NTM: variants seen among roughly 807,000 people sequenced by gnomAD.
NTM encodes neurotrimin, also known as IgLON family member 2.
In NTM, 13 loss-of-function variants were observed where a neutral mutation model predicts 42.1. The ratio of observed to expected loss-of-function variants is 0.31; its 90% CI spans 0.20 to 0.49. The LOEUF (loss-of-function observed/expected upper bound fraction) is 0.49, where lower values mean the gene tolerates loss of function less well. NTM is among the 20% of genes least tolerant of loss of function. The probability of loss-of-function intolerance (pLI) is 0.99; values close to 1 mark genes in which losing one functional copy is unlikely to be tolerated. For missense variants in NTM, 373 were observed against 452.8 expected (o/e 0.82, Z 1.60); for synonymous variants, 187 against 179.2 (o/e 1.04, Z -0.35).
intron 1 of NTM, among the ~76,000 whole-genome samples, chr11:131,410,100 C>A (rs1565473364): frequency 6.6e-6 from 1 of 152,024 alleles, no homozygotes; most frequent in Non-Finnish European, 1.5e-5. Flanking sequence ...GCAAGGCAGG[C>A]CAGGCACGGG....
At chr11:131,443,237 G>A (rs1208293878) in intron 1 of NTM, among the ~76,000 whole-genome samples, 1 of 152,084 alleles carries the variant, frequency 6.6e-6, no homozygotes, top group Non-Finnish European at 1.5e-5. Context: ...GGAAAGAAGG[G>A]AAATGGGTTG....
intron 4 of NTM, among the ~76,000 whole-genome samples, chr11:132,296,237 C>T (rs1239512537): frequency 6.6e-6 from 1 of 151,994 alleles, no homozygotes; most frequent in African/African-American, 2.4e-5. Context: ...TCCAGGACGG[C>T]CATGCAGATG....
rs1271168245 is a variant in NTM, at chr11:131,754,201, G to A, written c.83-157363G>A. 3.3e-5 allele frequency among the ~76,000 whole-genome samples: 5 copies of A among 151,240 alleles called. No individual in the cohort carries two copies. The East Asian group carries it at 7.8e-4, about 24-fold the overall frequency. On this transcript the variant is annotated intron_variant, in intron 1 of 8. Coordinates refer to ENST00000683400, the MANE Select transcript of NTM (RefSeq NM_001352005.2). ...AATGTTAAATGACGAGTTACTGGGT[G>A]CAGCACACCAACATGACACATGTAT...
intron 1 of NTM, among the ~76,000 whole-genome samples, chr11:131,519,211 C>A (rs958137957): frequency 1.3e-5 from 2 of 152,214 alleles, no homozygotes; most frequent in African/African-American, 4.8e-5. Flanking sequence ...TATTCCCTTC[C>A]ACTGCCCTCT....
intron 1 of NTM, among the ~76,000 whole-genome samples, chr11:131,460,358 T>C (rs1260880546): frequency 6.6e-6 from 1 of 152,180 alleles, no homozygotes; most frequent in Non-Finnish European, 1.5e-5. Flanking sequence ...AATGAAGTAA[T>C]AGGATTACAG....
intron 2 of NTM, among the ~76,000 whole-genome samples, chr11:132,137,323 G>A (rs140291687): frequency 3.9e-5 from 6 of 152,164 alleles, no homozygotes; most frequent in African/African-American, 1.2e-4. Context: ...TTTCTTCTTC[G>A]CAGCTCCTTC....
At chr11:131,848,980 A>G (rs1469913159) in intron 1 of NTM, among the ~76,000 whole-genome samples, 1 of 152,204 alleles carries the variant, frequency 6.6e-6, no homozygotes, top group African/African-American at 2.4e-5. Flanking sequence ...TACAAAAACA[A>G]TTTTGCTGCT....
chr11:131,716,720 T>C (rs1467138116), intron 1 of NTM, among the ~76,000 whole-genome samples: 2 of 152,212 alleles, frequency 1.3e-5, no homozygotes, highest in Non-Finnish European at 1.5e-5. Context: ...TGCTGTATCA[T>C]CTTTATCAAA....
chr11:132,195,819 T>C (rs1402708535), intron 3 of NTM, among the ~76,000 whole-genome samples: 2 of 152,150 alleles, frequency 1.3e-5, no homozygotes, highest in Non-Finnish European at 2.9e-5. Context: ...ATGGATTATA[T>C]GCTTAAATGT....
At chr11:131,575,813 C>A (rs1464053688) in intron 1 of NTM, among the ~76,000 whole-genome samples, 1 of 152,180 alleles carries the variant, frequency 6.6e-6, no homozygotes, top group African/African-American at 2.4e-5. Flanking sequence ...CTCTAACGAA[C>A]TAACATACTC....
At chr11:131,692,088 G>T (rs1027979451) in intron 1 of NTM, among the ~76,000 whole-genome samples, 1 of 152,152 alleles carries the variant, frequency 6.6e-6, no homozygotes, top group Non-Finnish European at 1.5e-5. Flanking sequence ...AACGGGCAGG[G>T]AGTCACAGGC....
chr11:131,949,226 C>T (rs866666800), intron 2 of NTM, among the ~76,000 whole-genome samples: 22 of 152,148 alleles, frequency 1.4e-4, no homozygotes, highest in Admixed American at 3.3e-4. Flanking sequence ...TATATTACTG[C>T]GTTTTCTTTA....
intron 4 of NTM, among the ~76,000 whole-genome samples, chr11:132,279,805 C>A (rs1171463033): frequency 1.3e-5 from 2 of 152,202 alleles, no homozygotes; most frequent in African/African-American, 4.8e-5. Context: ...GGACTTAACA[C>A]TCTGCATTTC....
intron 4 of NTM, among the ~76,000 whole-genome samples, chr11:132,249,081 G>T (rs976482788): frequency 2.0e-5 from 3 of 152,174 alleles, no homozygotes; most frequent in African/African-American, 7.2e-5. Flanking sequence ...TCAGTTCCAT[G>T]ACTGCACCTG....
chr11:132,284,044 C>G (rs1257312908), intron 4 of NTM, among the ~76,000 whole-genome samples: 3 of 152,176 alleles, frequency 2.0e-5, no homozygotes, highest in Admixed American at 6.5e-5. Flanking sequence ...CCACCACTTC[C>G]AAAGGACTGT....
intron 4 of NTM, among the ~76,000 whole-genome samples, chr11:132,257,530 C>T (rs2092575505): frequency 6.6e-6 from 1 of 152,170 alleles, no homozygotes; most frequent in African/African-American, 2.4e-5. Context: ...GCCTCATCCT[C>T]ACTCTGCCCT....
intron 1 of NTM, among the ~76,000 whole-genome samples, chr11:131,379,489 C>T (rs1007185754): frequency 6.6e-6 from 1 of 152,166 alleles, no homozygotes; most frequent in African/African-American, 2.4e-5. Context: ...CTGGGTCTGC[C>T]TCTTTCTGGT....
intron 3 of NTM, among the ~76,000 whole-genome samples, chr11:132,192,794 A>C (rs970592702): frequency 6.6e-6 from 1 of 152,184 alleles, no homozygotes; most frequent in African/African-American, 2.4e-5. Flanking sequence ...CTCAAAATAA[A>C]GGGATAGAGA....
intron 2 of NTM, among the ~76,000 whole-genome samples, chr11:131,955,415 T>C (rs540273045): frequency 6.6e-6 from 1 of 152,282 alleles, no homozygotes; most frequent in African/African-American, 2.4e-5. Context: ...TGGCAACTGC[T>C]AGGCCTTCCC....
Sources: allele counts gnomAD v4.1 joint callset (sites outside exome capture counted in the v4.1 genomes callset), GRCh38; gene constraint gnomAD v4.1.1; transcripts MANE v1.5; gene names NCBI Gene and HGNC (gene_info 2026-07-23, HGNC 2026-07-21).